ZFR2: variants seen among roughly 807,000 people sequenced by gnomAD.
The protein encoded by ZFR2 is zinc finger RNA-binding protein 2.
ZFR2 carries 104 observed loss-of-function variants against 105.7 expected under a neutral mutation model. The observed-to-expected ratio is 0.98, with a 90% confidence interval of 0.84 to 1.16. The LOEUF is 1.16. ZFR2 is among the 50% of genes most tolerant of loss of function. The probability of loss-of-function intolerance (pLI) is 0.00; values close to 1 mark genes in which losing one functional copy is unlikely to be tolerated. For synonymous variants in ZFR2, 634 were observed against 597.7 expected (o/e 1.06, Z -0.89); for missense variants, 1,425 against 1,355.5 (o/e 1.05, Z -0.80).
rs201962728 is a variant in ZFR2, at chr19:3,821,349, G to A, written c.1622C>T (p.Ala541Val). 99 of 1,596,646 alleles carry A rather than the reference G, an allele frequency of 6.2e-5. No homozygotes were observed. The African/African-American group carries it at 1.1e-3, about 18-fold the overall frequency. Residue 541 changes from alanine to valine, a missense_variant, in exon 10 of 19, where the codon GCG (alanine) becomes GTG (valine). Coordinates refer to ENST00000262961, the MANE Select transcript of ZFR2 (RefSeq NM_015174.2). ...ACCCGCAGCCGGGCACCTCCTCTCC[G>A]CGTGCCAGCGCCGCAGCTGCTCCAG... Reference protein sequence around the residue: ...ERLEQLRRWHAERRRLEEEPP... With the variant: ...ERLEQLRRWHVERRRLEEEPP...
chr19:3,811,258 C>T lies in ZFR2; in HGVS notation c.2337+14G>A. On this transcript the variant is annotated intron_variant, in intron 15 of 18. Coordinates refer to ENST00000262961, the MANE Select transcript of ZFR2 (RefSeq NM_015174.2). ...GTCACCCCTCTCCCCCTGCTCCACC[C>T]CTGCCCCCCTGACCTGAAACCACCT... 3.2e-6 allele frequency: 5 copies of T among 1,562,988 alleles called. No homozygotes were observed. The highest frequency in any genetic ancestry group is 4.3e-6 in the Non-Finnish European group (5 of 1,155,460).
At chr19:3,815,368 G>T (rs1221951638) in intron 13 of ZFR2, among the ~76,000 whole-genome samples, 3 of 152,188 alleles carry the variant, frequency 2.0e-5, no homozygotes, top group Admixed American at 2.0e-4. Context: ...GGGATTACAG[G>T]CATGAGCCAC....
chr19:3,852,367 C>T, intron 1 of ZFR2: 1 of 656,306 alleles, frequency 1.5e-6, no homozygotes, highest in Non-Finnish European at 2.8e-6. Flanking sequence ...CTGGGCTTCT[C>T]TGCCCCTGGA....
At chr19:3,810,631 A>G (rs2037752382) in intron 16 of ZFR2, 119 bp downstream of exon 16, 1 of 951,484 alleles carries the variant, frequency 1.1e-6, no homozygotes, top group Non-Finnish European at 1.5e-6. Flanking sequence ...TCTCCTGAGT[A>G]CTAGGTCTCC....
chr19:3,850,537 A>G (rs1042229787), intron 1 of ZFR2, among the ~76,000 whole-genome samples: 13 of 152,176 alleles, frequency 8.5e-5, no homozygotes, highest in African/African-American at 3.1e-4. Flanking sequence ...AATGAAGGTT[A>G]TATGACGTCA....
intron 12 of ZFR2, 85 bp downstream of exon 12, chr19:3,818,960 A>C (rs943272154): frequency 8.0e-6 from 12 of 1,492,358 alleles, no homozygotes; most frequent in Middle Eastern, 2.4e-4. Context: ...CATCAGAGCT[A>C]GGGGTTCCTG....
At chr19:3,832,016 T>C (rs2038022530) in intron 3 of ZFR2, 138 bp from the exon 4 acceptor site, 1 of 658,418 alleles carries the variant, frequency 1.5e-6, no homozygotes, top group African/African-American at 1.8e-5. Context: ...TTGGGCCAGG[T>C]GCTGGCAGCG....
intron 1 of ZFR2, among the ~76,000 whole-genome samples, chr19:3,839,192 T>C (rs184984227): frequency 4.7e-4 from 71 of 152,136 alleles, no homozygotes; most frequent in Non-Finnish European, 7.4e-5. Context: ...AGATTTGTGT[T>C]TCTCTTCTGG....
chr19:3,813,853 G>A lies in ZFR2; in HGVS notation c.2209C>T (p.Pro737Ser), dbSNP rs759675962. ...GTGGAGGGGTCCTCCCGCATCAGAG[G>A]TGAGGTGACAGATATGGTGACCTGC... is the stretch of plus-strand genomic sequence containing the variant. Reference protein sequence around the residue: ...RMQVTISVTSPLMREDPSTDP... With the variant: ...RMQVTISVTSSLMREDPSTDP... Residue 737 changes from proline to serine, a missense_variant, in exon 14 of 19, where the codon CCT becomes TCT. By Grantham distance (74) the Pro-to-Ser change is moderately conservative. Coordinates refer to ENST00000262961, the MANE Select transcript of ZFR2 (RefSeq NM_015174.2). The surrounding 1 kb of genome is among the most constrained non-coding windows in gnomAD (Gnocchi z 4.4). 14 of 1,613,824 alleles carry A rather than the reference G, an allele frequency of 8.7e-6. No homozygotes were observed. In the East Asian group the frequency reaches 8.9e-5, roughly 10 times the overall value.
intron 1 of ZFR2, among the ~76,000 whole-genome samples, chr19:3,846,437 G>A (rs750244699): frequency 6.6e-6 from 1 of 152,206 alleles, no homozygotes; most frequent in Non-Finnish European, 1.5e-5. Context: ...AGAAAGGTAT[G>A]TTTGTCATGG....
chr19:3,826,724 C>G (rs776037185), intron 6 of ZFR2, among the ~76,000 whole-genome samples: 9 of 151,582 alleles, frequency 5.9e-5, no homozygotes, highest in Non-Finnish European at 1.3e-4. Flanking sequence ...AGGCGTGAGG[C>G]ACCACGCCCG....
At position 3,831,419 on chromosome 19, in the gene ZFR2, G is replaced by A; in HGVS notation, c.736C>T (p.Pro246Ser). 3 of 1,554,970 alleles carry A rather than the reference G, an allele frequency of 1.9e-6. No homozygotes were observed. The highest frequency in any genetic ancestry group is 2.6e-6 in the Non-Finnish European group (3 of 1,151,138). Residue 246 changes from proline (P) to serine (S), a missense_variant, in exon 5 of 19, where the codon CCC (proline) becomes TCC (serine). By Grantham distance (74) the Pro-to-Ser change is moderately conservative. Coordinates refer to ENST00000262961, the MANE Select transcript of ZFR2 (RefSeq NM_015174.2). ...PPAPAGSGSS[P>S]RADSKPPLPS... Reference sequence around the variant, plus strand: ...AGCGGTGGCTTCGAGTCGGCCCTGGGGCTGCTTCCTGAGCCTGCAGGCGCG... The same window carrying A: ...AGCGGTGGCTTCGAGTCGGCCCTGGAGCTGCTTCCTGAGCCTGCAGGCGCG...
chr19:3,810,231 T>C lies in ZFR2; in HGVS notation c.2433+519A>G, dbSNP rs150235695. On this transcript the variant is annotated intron_variant, in intron 16 of 18. Coordinates refer to ENST00000262961, the MANE Select transcript of ZFR2 (RefSeq NM_015174.2). Reference sequence around the variant, plus strand: ...TGGTGGAGAAGGTGTGGGGACTGGGTGGGTTCCCGGGGTCTCCGTGGGGAG... The same window carrying C: ...TGGTGGAGAAGGTGTGGGGACTGGGCGGGTTCCCGGGGTCTCCGTGGGGAG... Among the ~76,000 whole-genome samples, 505 of 152,034 alleles carry C rather than the reference T, an allele frequency of 3.3e-3. 2 individuals carry two copies. The highest frequency in any genetic ancestry group is 4.3e-3 in the Admixed American group (66 of 15,290).
intron 1 of ZFR2, among the ~76,000 whole-genome samples, chr19:3,840,933 C>CG (rs2038127299): frequency 6.6e-6 from 1 of 152,094 alleles, no homozygotes; most frequent in African/African-American, 2.4e-5. Flanking sequence ...TGGTGGTGAC[C>CG]GGGGGCCAGC....
rs767350816 is a variant in ZFR2 at position 3,831,712 on chromosome 19, G to A, written c.546C>T (p.Ile182=). The A allele has an allele frequency of 3.8e-6, 6 of 1,594,392 alleles. No homozygotes were observed. In the Admixed American group the frequency reaches 5.2e-5, roughly 14 times the overall value. The change falls in exon 4 of 19, where the codon ATC becomes ATT. Residue 182 remains isoleucine, a synonymous_variant. Coordinates refer to ENST00000262961, the MANE Select transcript of ZFR2 (RefSeq NM_015174.2). ...AGGAGGGCGGGGGGTAGGAGGTCAC[G>A]ATGGAAGCTGACGACTCGGGCTGGA... ...TGVQPESSAS[I]VTSYPPPSYN...
intron 1 of ZFR2, among the ~76,000 whole-genome samples, chr19:3,857,502 C>G (rs187140715): frequency 6.9e-6 from 1 of 144,090 alleles, no homozygotes; most frequent in Non-Finnish European, 1.5e-5. Flanking sequence ...GCCAGCAGTT[C>G]GAGACCAGCC....
chr19:3,846,133 C>T (rs2038182488), intron 1 of ZFR2, among the ~76,000 whole-genome samples: 1 of 152,232 alleles, frequency 6.6e-6, no homozygotes, highest in Admixed American at 6.5e-5. Context: ...TGTGCCACCA[C>T]GCCTGGCTAA....
intron 1 of ZFR2, among the ~76,000 whole-genome samples, chr19:3,850,407 G>A (rs1370821830): frequency 1.3e-5 from 2 of 152,038 alleles, no homozygotes; most frequent in Non-Finnish European, 2.9e-5. Flanking sequence ...CAGCCATGAG[G>A]AGCCACCTGG....
chr19:3,825,221 C>G lies in ZFR2; in HGVS notation c.1213+9G>C. 8 of 1,517,302 alleles carry G rather than the reference C, an allele frequency of 5.3e-6. No homozygotes were observed. Among genetic ancestry groups the G allele is most frequent in the Non-Finnish European group, 7.0e-6 (8 of 1,140,250 alleles). The allele number at this position is 1,517,302 out of a possible 1,614,324, so 94.0% of individuals were successfully genotyped here. A position where few individuals can be genotyped will look rare whatever the true frequency, so the allele number is the denominator to read the frequency against. ...GTGGGTACACGAACACGCATACAGA[C>G]ACACGTACCCTCGCATAAGGCCTTC... On this transcript the variant is annotated intron_variant, in intron 7 of 18. Transcript: ENST00000262961.
Sources: gnomAD v4.1 joint callset for allele counts (sites outside exome capture counted in the v4.1 genomes callset) on GRCh38, gnomAD v4.1.1 for gene constraint, Gnocchi (gnomAD v3.1) non-coding constraint, MANE v1.5 for transcripts, NCBI Gene and HGNC (gene_info 2026-07-23, HGNC 2026-07-21) for gene names.